The following RBFOX1 variants were observed in gnomAD, a reference collection of about 807,000 sequenced individuals.
RBFOX1 encodes the protein RNA binding protein fox-1 homolog 1.
In RBFOX1, 8 loss-of-function variants were observed where a neutral mutation model predicts 57.7. The ratio of observed to expected loss-of-function variants is 0.14; its 90% CI spans 0.08 to 0.25. The LOEUF (loss-of-function observed/expected upper bound fraction) is 0.25. Among genes scored for constraint, RBFOX1 ranks in the 10% least tolerant of loss-of-function variants. The probability of loss-of-function intolerance (pLI) is 1.00; values close to 1 mark genes in which losing one functional copy is unlikely to be tolerated. For synonymous variants in RBFOX1, 326 were observed against 222.4 expected (o/e 1.47, Z -4.15); for missense variants, 611 against 548.5 (o/e 1.11, Z -1.14).
chr16:6,622,237 A>C (rs754609549), intron 2 of RBFOX1, among the ~76,000 whole-genome samples: 2 of 152,218 alleles, frequency 1.3e-5, no homozygotes, highest in Non-Finnish European at 2.9e-5. Context: ...TGCACCACAT[A>C]ATGACGTTTC....
chr16:6,536,656 G>C (rs1029396835), intron 2 of RBFOX1, among the ~76,000 whole-genome samples: 1 of 151,932 alleles, frequency 6.6e-6, no homozygotes, highest in Admixed American at 6.6e-5. Context: ...AGTATGGCTT[G>C]TGAGGGTTCT....
At chr16:6,844,278 T>G (rs1056721094) in intron 3 of RBFOX1, among the ~76,000 whole-genome samples, 1 of 152,176 alleles carries the variant, frequency 6.6e-6, no homozygotes, top group Non-Finnish European at 1.5e-5. Context: ...CATGGCAGTT[T>G]GCTGCACAGG....
intron 2 of RBFOX1, among the ~76,000 whole-genome samples, chr16:5,512,318 C>T (rs919799292): frequency 6.6e-6 from 1 of 152,166 alleles, no homozygotes; most frequent in African/African-American, 2.4e-5. Context: ...CAGCCTTCTC[C>T]ATAGATTTAC....
At chr16:7,101,355 G>A (rs2062663473) in intron 4 of RBFOX1, among the ~76,000 whole-genome samples, 1 of 152,162 alleles carries the variant, frequency 6.6e-6, no homozygotes, top group Non-Finnish European at 1.5e-5. Context: ...AGGGAATTTA[G>A]GAAGAAATGT....
chr16:5,478,631 A>T (rs2069414583), intron 2 of RBFOX1, among the ~76,000 whole-genome samples: 1 of 152,204 alleles, frequency 6.6e-6, no homozygotes, highest in African/African-American at 2.4e-5. Flanking sequence ...GAAGGGGAAC[A>T]AATGGGTAGC....
intron 3 of RBFOX1, among the ~76,000 whole-genome samples, chr16:7,027,373 T>A (rs957702739): frequency 1.3e-5 from 2 of 152,178 alleles, no homozygotes; most frequent in East Asian, 1.9e-4. Flanking sequence ...TTTTTAGATA[T>A]AATCTCATAG....
chr16:5,497,442 C>G (rs1325091572), intron 2 of RBFOX1, among the ~76,000 whole-genome samples: 4 of 151,864 alleles, frequency 2.6e-5, no homozygotes, highest in African/African-American at 9.7e-5. Flanking sequence ...AACAGTGACC[C>G]AGAGAGACAA....
intron 3 of RBFOX1, among the ~76,000 whole-genome samples, chr16:5,853,787 C>T (rs934851016): frequency 2.6e-5 from 4 of 152,068 alleles, no homozygotes; most frequent in Non-Finnish European, 5.9e-5. Flanking sequence ...ACAGGGTCTC[C>T]CTCTGTCACC....
At chr16:5,585,420 C>T (rs1002016492) in intron 2 of RBFOX1, among the ~76,000 whole-genome samples, 3 of 152,174 alleles carry the variant, frequency 2.0e-5, no homozygotes, top group Non-Finnish European at 4.4e-5. Flanking sequence ...TGATGGACAT[C>T]TGGGGTGTTT....
intron 2 of RBFOX1, among the ~76,000 whole-genome samples, chr16:5,496,685 G>C (rs779913032): frequency 1.1e-4 from 17 of 152,092 alleles, no homozygotes; most frequent in Non-Finnish European, 2.2e-4. Flanking sequence ...GGATGGGATG[G>C]GGAAATGGTT....
At chr16:5,991,500 C>T (rs117492886) in intron 4 of RBFOX1, among the ~76,000 whole-genome samples, 6 of 152,158 alleles carry the variant, frequency 3.9e-5, no homozygotes, top group African/African-American at 9.6e-5. Context: ...GAGACCTTTA[C>T]GGAAGTATTA....
At chr16:5,870,103 A>G (rs920811403) in intron 4 of RBFOX1, among the ~76,000 whole-genome samples, 1 of 150,490 alleles carries the variant, frequency 6.6e-6, no homozygotes, top group African/African-American at 2.4e-5. Context: ...TCATTTACAT[A>G]TGTACATATA....
chr16:6,549,651 G>A (rs774963036), intron 2 of RBFOX1, among the ~76,000 whole-genome samples: 160 of 152,156 alleles, frequency 1.1e-3, no homozygotes, highest in Non-Finnish European at 1.5e-3. Context: ...TTTGAGTCAT[G>A]TGCCTACTTC....
chr16:5,288,895 G>A (rs1382344465), intron 1 of RBFOX1, among the ~76,000 whole-genome samples: 4 of 152,134 alleles, frequency 2.6e-5, no homozygotes, highest in East Asian at 3.9e-4. Flanking sequence ...GGGAGGCCAG[G>A]GCAAGTGGGT....
intron 14 of RBFOX1, among the ~76,000 whole-genome samples, chr16:7,682,749 C>T (rs189832508): frequency 2.0e-4 from 31 of 151,268 alleles, no homozygotes; most frequent in Non-Finnish European, 3.8e-4. Context: ...AGGTTGAGCA[C>T]GTGTACATCT....
chr16:6,383,219 C>G (rs1025234074), intron 2 of RBFOX1, among the ~76,000 whole-genome samples: 2 of 152,204 alleles, frequency 1.3e-5, no homozygotes, highest in African/African-American at 4.8e-5. Flanking sequence ...TGATGGCAGC[C>G]TGGATGAAAT....
At chr16:6,920,354 C>G (rs974047255) in intron 3 of RBFOX1, among the ~76,000 whole-genome samples, 1 of 152,166 alleles carries the variant, frequency 6.6e-6, no homozygotes, top group Non-Finnish European at 1.5e-5. Context: ...CTGATATTGT[C>G]ATGATACAAT....
At chr16:6,974,535 A>C (rs888071549) in intron 3 of RBFOX1, among the ~76,000 whole-genome samples, 1 of 151,110 alleles carries the variant, frequency 6.6e-6, no homozygotes, top group African/African-American at 2.4e-5. Flanking sequence ...AGTAGAGATG[A>C]GGTTTCATCA....
chr16:6,505,394 C>T (rs1018450275), intron 2 of RBFOX1, among the ~76,000 whole-genome samples: 4 of 152,124 alleles, frequency 2.6e-5, no homozygotes, highest in African/African-American at 9.7e-5. Flanking sequence ...AAAAACTTTT[C>T]AACAGGAGAA....
Sources: gnomAD v4.1 joint callset for allele counts (sites outside exome capture counted in the v4.1 genomes callset) on GRCh38, gnomAD v4.1.1 for gene constraint, MANE v1.5 for transcripts, NCBI Gene and HGNC (gene_info 2026-07-23, HGNC 2026-07-21) for gene names.